The following OBSL1 variants were observed in gnomAD, a reference collection of about 807,000 sequenced individuals.
OBSL1 encodes obscurin-like protein 1.
OBSL1 carries 160 observed loss-of-function variants against 172.0 expected under a neutral mutation model. That is an observed-to-expected ratio of 0.93 (90% CI 0.82 to 1.06). The LOEUF (loss-of-function observed/expected upper bound fraction) is 1.06, where lower values mean the gene tolerates loss of function less well. Ranked by LOEUF, OBSL1 falls within the 50% of genes least tolerant of loss-of-function variation. The probability of loss-of-function intolerance (pLI) is 0.00; values close to 1 mark genes in which losing one functional copy is unlikely to be tolerated. For missense variants in OBSL1, 2,681 were observed against 2,715.4 expected (o/e 0.99, Z 0.28); for synonymous variants, 1,200 against 1,196.3 (o/e 1.00, Z -0.06).
rs750726248 is a variant in OBSL1 at position 219,551,702 on chromosome 2, C to A, written c.5510G>T (p.Gly1837Val). Reference sequence around the variant, plus strand: ...CCCCTCCCGCAGCCAGCACACGTGGCCCCCCGAGCGGGACACAGTCACCTC... The same window carrying A: ...CCCCTCCCGCAGCCAGCACACGTGGACCCCCGAGCGGGACACAGTCACCTC... ...VLEVTVSRSG[G>V]HVCWLREGAE... Residue 1837 changes from glycine (G) to valine (V), a missense_variant, in exon 20 of 21, where the codon GGC (glycine) becomes GTC (valine). Coordinates refer to ENST00000404537, the MANE Select transcript of OBSL1 (RefSeq NM_015311.3). The A allele has an allele frequency of 3.1e-6, 5 of 1,610,326 alleles. No individual in the cohort carries two copies. In the South Asian group the frequency reaches 3.3e-5, roughly 11 times the overall value.
downstream of OBSL1, chr2:219,550,041 C>T (rs1369577849): frequency 6.9e-5 from 52 of 757,238 alleles, no homozygotes; most frequent in Non-Finnish European, 9.7e-5. Flanking sequence ...CTCCCAAGCT[C>T]CCAAGAGGCT....
At chr2:219,567,217 C>T (rs565924836) in intron 4 of OBSL1, 56 bp downstream of exon 4, 3 of 1,564,426 alleles carry the variant, frequency 1.9e-6, no homozygotes, top group East Asian at 2.3e-5. Flanking sequence ...AGGACCAGCA[C>T]TGAGGGCTGG....
chr2:219,549,190 C>T (rs148944770), downstream of OBSL1: 1,009 of 1,613,970 alleles, frequency 6.3e-4, 1 homozygote, highest in Non-Finnish European at 8.1e-4. Context: ...GCAACTGATG[C>T]GGATTCGGCA....
chr2:219,568,370 C>T lies in OBSL1; in HGVS notation c.1013-46G>A. ...GACAAGAGAGGGCTCTGGAGAAGGC[C>T]CAGACTAGGAGTAGGATACCTAGAA... is the stretch of plus-strand genomic sequence containing the variant. On this transcript the variant is annotated intron_variant, in intron 1 of 20. Transcript: ENST00000404537. The surrounding 1 kb of genome is among the most constrained non-coding windows in gnomAD (Gnocchi z 4.1). 1 of 1,543,604 alleles carries T rather than the reference C, an allele frequency of 6.5e-7. No homozygotes were observed. The highest frequency in any genetic ancestry group is 2.3e-5 in the East Asian group (1 of 43,020).
chr2:219,560,848 G>A (rs1696411011), intron 8 of OBSL1, among the ~76,000 whole-genome samples: 1 of 152,250 alleles, frequency 6.6e-6, no homozygotes, highest in Non-Finnish European at 1.5e-5. Flanking sequence ...GATGAGGGCA[G>A]TGGGGTGAGG....
At chr2:219,561,795 T>C (rs776350800) in intron 8 of OBSL1, 23 of 702,472 alleles carry the variant, frequency 3.3e-5, no homozygotes, top group Non-Finnish European at 6.1e-5. Context: ...CAGGTTAGGT[T>C]AGCGGCTGAA....
At chr2:219,560,602 G>A (rs1323496455) in intron 8 of OBSL1, among the ~76,000 whole-genome samples, 1 of 146,490 alleles carries the variant, frequency 6.8e-6, no homozygotes, top group African/African-American at 2.5e-5. Flanking sequence ...CCAATCAGGG[G>A]CCAGGGTTGG....
intron 1 of OBSL1, among the ~76,000 whole-genome samples, chr2:219,570,013 G>A (rs1697217047): frequency 2.0e-5 from 3 of 152,250 alleles, no homozygotes; most frequent in Admixed American, 2.0e-4. Context: ...CATTTAAGGA[G>A]TTTGCTAAGA....
chr2:219,553,788 C>T (rs1695806144), intron 15 of OBSL1, 102 bp from the exon 16 acceptor site: 5 of 704,790 alleles, frequency 7.1e-6, no homozygotes, highest in African/African-American at 1.8e-5. Context: ...CAGTAGAGGA[C>T]ACTAGCGAGT....
At chr2:219,553,220 C>T (rs750902753) in intron 16 of OBSL1, among the ~76,000 whole-genome samples, 196 bp from the exon 17 acceptor site, 4 of 152,212 alleles carry the variant, frequency 2.6e-5, no homozygotes, top group Admixed American at 6.5e-5. Context: ...AAAAGCGTCA[C>T]CCTTTGGGGA....
At chr2:219,557,042 C>T (rs963791085) in intron 12 of OBSL1, 3 of 477,946 alleles carry the variant, frequency 6.3e-6, no homozygotes, top group Non-Finnish European at 1.1e-5. Context: ...TTTTCAGAGC[C>T]GGGGCTCAGA....
Position 219,571,031 on chromosome 2 carries a change from C to A in OBSL1, c.202G>T (p.Gly68Cys), listed in dbSNP as rs762604451. Residue 68 changes from glycine to cysteine, a missense_variant, in exon 1 of 21, where the codon GGC becomes TGC. Coordinates refer to ENST00000404537, the MANE Select transcript of OBSL1 (RefSeq NM_015311.3). ...GGCAGTGCGGCGGTCAGCAGCAGGC[C>A]GTGCTCCGCGCCGTCCGCCGGGAAG... is the stretch of plus-strand genomic sequence containing the variant. ...LSFPADGAEH[G>C]LLLTAALPTD... The A allele has an allele frequency of 2.1e-6, 3 of 1,455,204 alleles. No individual in the cohort carries two copies. Among genetic ancestry groups the A allele is most frequent in the Non-Finnish European group, 2.7e-6 (3 of 1,106,002 alleles). The allele number at this position is 1,455,204 out of a possible 1,614,324, so 90.1% of individuals were successfully genotyped here. A position where few individuals can be genotyped will look rare whatever the true frequency, so the allele number is the denominator to read the frequency against.
Position 219,551,726 on chromosome 2 carries a change from T to G in OBSL1, c.5486A>C (p.Glu1829Ala), listed in dbSNP as rs746719155. ...TVLVGRRAVL[E>A]VTVSRSGGHV... ...GCCCCCCGAGCGGGACACAGTCACC[T>G]CCAGCACCGCCCGGCGGCCCACCAG... Residue 1829 changes from glutamate (E) to alanine (A), a missense_variant, in exon 20 of 21, where the codon GAG becomes GCG. Coordinates refer to ENST00000404537, the MANE Select transcript of OBSL1 (RefSeq NM_015311.3). 2.0e-5 allele frequency: 32 copies of G among 1,604,586 alleles called. No individual in the cohort carries two copies. The highest frequency in any genetic ancestry group is 2.6e-5 in the Non-Finnish European group (31 of 1,174,712).
Position 219,570,697 on chromosome 2 carries a change from A to G in OBSL1, c.536T>C (p.Leu179Pro). The G allele has an allele frequency of 1.3e-6, 2 of 1,509,008 alleles. No homozygotes were observed. The highest frequency in any genetic ancestry group is 2.1e-5 in the Admixed American group (1 of 48,104). 93.5% of individuals were successfully genotyped at this position (1,509,008 alleles called of 1,614,324 possible). ...GCCGTCCTCGGCGCGGCCCGGCTGG[A>G]GCGCGAAGTGGCTGCTGTCCCACAC... ...DEVWDSSHFA[L>P]QPGRAEDGPG... Residue 179 changes from leucine to proline, a missense_variant, in exon 1 of 21, where the codon CTC becomes CCC. Coordinates refer to ENST00000404537, the MANE Select transcript of OBSL1 (RefSeq NM_015311.3).
intron 8 of OBSL1, 42 bp downstream of exon 8, chr2:219,562,360 G>A: frequency 1.3e-6 from 2 of 1,599,420 alleles, no homozygotes; most frequent in Non-Finnish European, 1.7e-6. Context: ...CCAGGGCTCA[G>A]GGCTGTCTCT....
Position 219,571,349 on chromosome 2 carries a change from C to T in OBSL1, c.-117G>A, listed in dbSNP as rs2106121386. The T allele has an allele frequency of 5.0e-6, 3 of 595,564 alleles. No individual in the cohort carries two copies. The highest frequency in any genetic ancestry group is 4.6e-5 in the Admixed American group (1 of 21,696). The allele number at this position is 595,564 out of a possible 1,614,324, so 36.9% of individuals were successfully genotyped here. A position where few individuals can be genotyped will look rare whatever the true frequency, so the allele number is the denominator to read the frequency against. On this transcript the variant is annotated 5_prime_UTR_variant, in exon 1 of 21. Coordinates refer to ENST00000404537, the MANE Select transcript of OBSL1 (RefSeq NM_015311.3). ...GCGGCTGGGGACTGGGCGCGGGGAC[C>T]CGCGGAGCTCTCCCGGGCCTCCCGC... is the stretch of plus-strand genomic sequence containing the variant.
intron 7 of OBSL1, chr2:219,562,933 C>A (rs909611391): frequency 4.3e-5 from 24 of 552,584 alleles, no homozygotes; most frequent in Non-Finnish European, 7.1e-5. Context: ...AGAAACGCTC[C>A]ACATTCTCTG....
At position 219,551,869 on chromosome 2, in the gene OBSL1, C is replaced by T. The variant is rs4672932; in HGVS notation, c.5414-71G>A. 0.98 allele frequency: 984,178 copies of T among 1,005,746 alleles called. 483,000 individuals carry two copies. The highest frequency in any genetic ancestry group is 1 in the East Asian group (41,347 of 41,350). 62.3% of individuals were successfully genotyped at this position (1,005,746 alleles called of 1,614,324 possible). A position where few individuals can be genotyped will look rare whatever the true frequency, so the allele number is the denominator to read the frequency against. Reference sequence around the variant, plus strand: ...CCCCCAGGAGGAGAGATGCATCTTCCCTCCCTGAAGTCTCCACTCCTGGCC... The same window carrying T: ...CCCCCAGGAGGAGAGATGCATCTTCTCTCCCTGAAGTCTCCACTCCTGGCC... On this transcript the variant is annotated intron_variant, in intron 19 of 20. Transcript: ENST00000404537.
intron 6 of OBSL1, 90 bp from the exon 7 acceptor site, chr2:219,563,717 A>C: frequency 7.0e-7 from 1 of 1,419,198 alleles, no homozygotes; most frequent in South Asian, 1.3e-5. Flanking sequence ...GTTTCTGCAC[A>C]AGAGGACACT....
Sources: allele counts gnomAD v4.1 joint callset (sites outside exome capture counted in the v4.1 genomes callset), GRCh38; gene constraint gnomAD v4.1.1; non-coding constraint Gnocchi (gnomAD v3.1); transcripts MANE v1.5; gene names NCBI Gene and HGNC (gene_info 2026-07-23, HGNC 2026-07-21).